PNPLA3: variants seen among roughly 807,000 people sequenced by gnomAD.
The protein encoded by PNPLA3 is patatin like domain 3, 1-acylglycerol-3-phosphate O-acyltransferase, also known as 1-acylglycerol-3-phosphate O-acyltransferase PNPLA3.
Under a neutral mutation model 43.1 loss-of-function variants are expected in PNPLA3, and 42 were observed. The ratio of observed to expected loss-of-function variants is 0.97; its 90% confidence interval spans 0.76 to 1.26. The LOEUF (loss-of-function observed/expected upper bound fraction) is 1.26, where lower values mean the gene tolerates loss of function less well. Ranked by LOEUF, PNPLA3 falls within the 50% of genes most tolerant of loss-of-function variation. The probability of loss-of-function intolerance (pLI) is 0.00; values close to 1 mark genes in which losing one functional copy is unlikely to be tolerated. For synonymous variants in PNPLA3, 272 were observed against 253.6 expected, an observed-to-expected ratio of 1.07 and a Z score of -0.69; for missense variants, 647 against 621.4, an observed-to-expected ratio of 1.04 and a Z score of -0.44.
chr22:43,927,193 T>C (rs1387690813), intron 2 of PNPLA3, 26 bp downstream of exon 2: 1 of 1,605,370 alleles, frequency 6.2e-7, no homozygotes, highest in Non-Finnish European at 8.5e-7. Context: ...ATCTGGACGT[T>C]GTCAAGTTAG....
chr22:43,939,851 C>T, intron 6 of PNPLA3, 142 bp from the exon 7 acceptor site: 2 of 1,162,674 alleles, frequency 1.7e-6, no homozygotes. Context: ...TGGCAAACCC[C>T]ACCTTGTCGC....
At chr22:43,925,928 C>T (rs1191792820) in intron 1 of PNPLA3, among the ~76,000 whole-genome samples, 2 of 152,330 alleles carry the variant, frequency 1.3e-5, no homozygotes, top group East Asian at 3.9e-4. Flanking sequence ...AGGACAGGTG[C>T]AGCCTGGGGC....
chr22:43,938,874 A>G (rs757407839), intron 6 of PNPLA3, among the ~76,000 whole-genome samples: 30 of 152,204 alleles, frequency 2.0e-4, no homozygotes, highest in Non-Finnish European at 4.0e-4. Context: ...GTGCCTGAGA[A>G]GTACCTAGGA....
intron 1 of PNPLA3, among the ~76,000 whole-genome samples, chr22:43,926,283 A>G (rs1355554160): frequency 6.6e-6 from 1 of 152,172 alleles, no homozygotes; most frequent in Non-Finnish European, 1.5e-5. Flanking sequence ...GTCCCTGTGC[A>G]TCCCAAGATT....
At chr22:43,926,866 C>T (rs1263774639) in intron 1 of PNPLA3, 69 bp from the exon 2 acceptor site, 7 of 1,371,186 alleles carry the variant, frequency 5.1e-6, no homozygotes, top group African/African-American at 1.4e-5. Context: ...TGTCTGGTTT[C>T]TGGCCTTGCC....
intron 7 of PNPLA3, among the ~76,000 whole-genome samples, 168 bp from the exon 8 acceptor site, chr22:43,944,523 C>T (rs1235540458): frequency 6.6e-6 from 1 of 152,054 alleles, no homozygotes; most frequent in Non-Finnish European, 1.5e-5. Flanking sequence ...GCTCATTTTG[C>T]TTTAGAGATT....
intron 5 of PNPLA3, among the ~76,000 whole-genome samples, chr22:43,935,825 C>A (rs539421852): frequency 2.0e-5 from 3 of 152,146 alleles, no homozygotes; most frequent in South Asian, 2.1e-4. Flanking sequence ...TAGGGAGCCA[C>A]TGAGGGCTGC....
intron 2 of PNPLA3, 25 bp from the exon 3 acceptor site, chr22:43,928,799 A>C (rs2146776300): frequency 1.3e-6 from 2 of 1,593,532 alleles, no homozygotes; most frequent in Non-Finnish European, 1.7e-6. Flanking sequence ...CTCGCCTATA[A>C]CTTCTCTCTC....
intron 5 of PNPLA3, among the ~76,000 whole-genome samples, chr22:43,934,990 A>T (rs2049985869): frequency 6.6e-6 from 1 of 151,940 alleles, no homozygotes; most frequent in Admixed American, 6.6e-5. Flanking sequence ...TTCCAGCTCG[A>T]CCTCTTGTGA....
intron 5 of PNPLA3, among the ~76,000 whole-genome samples, chr22:43,934,971 G>A (rs927019632): frequency 9.2e-5 from 14 of 152,118 alleles, no homozygotes; most frequent in Admixed American, 3.9e-4. Flanking sequence ...ATCTGAAGGC[G>A]GTTTTTCTTT....
chr22:43,931,683 T>G (rs1404122129), intron 3 of PNPLA3, among the ~76,000 whole-genome samples: 1 of 152,120 alleles, frequency 6.6e-6, no homozygotes, highest in Non-Finnish European at 1.5e-5. Context: ...GCCCAGCTAA[T>G]TTTTGTATTT....
At chr22:43,943,762 G>T (rs2050045671) in intron 7 of PNPLA3, among the ~76,000 whole-genome samples, 1 of 152,076 alleles carries the variant, frequency 6.6e-6, no homozygotes, top group South Asian at 2.1e-4. Flanking sequence ...TTTGTTTTTA[G>T]TAAGTTAGTC....
At chr22:43,941,927 C>T (rs2050033644) in intron 7 of PNPLA3, among the ~76,000 whole-genome samples, 1 of 152,122 alleles carries the variant, frequency 6.6e-6, no homozygotes, top group African/African-American at 2.4e-5. Flanking sequence ...TGAGGAGGTG[C>T]GAGTGCTGAT....
Position 43,946,257 on chromosome 22 carries a change from A to G in PNPLA3, c.1321A>G (p.Lys441Glu). 6.2e-7 allele frequency: 1 copy of G among 1,614,164 alleles called. No homozygotes were observed. The highest frequency in any genetic ancestry group is 8.5e-7 in the Non-Finnish European group (1 of 1,180,000). Residue 441 changes from lysine to glutamate, a missense_variant, in exon 9 of 9, where the codon AAA becomes GAA. Physicochemically the swap from Lys to Glu is moderately conservative, Grantham distance 56. Transcript: ENST00000216180. Reference sequence around the variant, plus strand: ...CCCCAAGGGCTGTCCAGCAGAGACCAAAGCAGAGGCCACCCCGCGGTCCAT... The same window carrying G: ...CCCCAAGGGCTGTCCAGCAGAGACCGAAGCAGAGGCCACCCCGCGGTCCAT... ...CSPKGCPAETKAEATPRSILR... is the reference protein window; with the variant it reads ...CSPKGCPAETEAEATPRSILR...
At chr22:43,938,071 C>T (rs2050007224) in intron 6 of PNPLA3, among the ~76,000 whole-genome samples, 1 of 152,130 alleles carries the variant, frequency 6.6e-6, no homozygotes, top group African/African-American at 2.4e-5. Context: ...GAAGCAGGCC[C>T]TCACCAGACA....
chr22:43,937,804 T>C (rs2050005599), intron 6 of PNPLA3, among the ~76,000 whole-genome samples: 2 of 152,214 alleles, frequency 1.3e-5, no homozygotes, highest in African/African-American at 2.4e-5. Flanking sequence ...CTCCATCGAA[T>C]GGTGCTGTAT....
At chr22:43,946,038 A>G in intron 8 of PNPLA3, 116 bp from the exon 9 acceptor site, 1 of 928,204 alleles carries the variant, frequency 1.1e-6, no homozygotes, top group Non-Finnish European at 1.7e-6. Context: ...CTGTGACGGC[A>G]CCCTAGAGTG....
At chr22:43,927,366 C>T (rs972706493) in intron 2 of PNPLA3, among the ~76,000 whole-genome samples, 199 bp downstream of exon 2, 2 of 151,940 alleles carry the variant, frequency 1.3e-5, no homozygotes, top group Non-Finnish European at 2.9e-5. Context: ...GTGTTGTGGG[C>T]CCATAGTCCC....
Position 43,934,648 on chromosome 22 carries a change from A to G in PNPLA3, c.739A>G (p.Arg247Gly), listed in dbSNP as rs200595909. The G allele has an allele frequency of 1.7e-5, 27 of 1,613,600 alleles. No homozygotes were observed. The highest frequency in any genetic ancestry group is 2.2e-5 in the Non-Finnish European group (26 of 1,179,632). Residue 247 changes from arginine (R) to glycine (G), a missense_variant, in exon 5 of 9, where the codon AGG (arginine) becomes GGG (glycine). By Grantham distance (125) the Arg-to-Gly change is moderately radical. Coordinates refer to ENST00000216180, the MANE Select transcript of PNPLA3 (RefSeq NM_025225.3). ...ICLRGYLDAF[R>G]FLEEKGICNR... ...CCTTCGAGGATATTTGGATGCATTC[A>G]GGTTCTTGGAAGAGAAGGGTATGTA...
Sources: gnomAD v4.1 joint callset for allele counts (sites outside exome capture counted in the v4.1 genomes callset) on GRCh38, gnomAD v4.1.1 for gene constraint, MANE v1.5 for transcripts, NCBI Gene and HGNC (gene_info 2026-07-23, HGNC 2026-07-21) for gene names.